AUTS2: variants seen among roughly 807,000 people sequenced by gnomAD.
The protein encoded by AUTS2 is activator of transcription and developmental regulator AUTS2.
In AUTS2, 17 loss-of-function variants were observed where a neutral mutation model predicts 112.4. The observed-to-expected ratio is 0.15, with a 90% confidence interval of 0.10 to 0.23. The LOEUF is 0.23. Ranked by LOEUF, AUTS2 falls within the 10% of genes least tolerant of loss-of-function variation. The pLI, the probability that AUTS2 is intolerant of heterozygous loss-of-function variation, is 1.00. For synonymous variants in AUTS2, 751 were observed against 702.7 expected (o/e 1.07, Z -1.09); for missense variants, 1,510 against 1,701.6 (o/e 0.89, Z 1.98).
Position 70,766,440 on chromosome 7 carries a change from G to C in AUTS2, c.1689+106G>C. Reference sequence around the variant, plus strand: ...GCGGGGCCACCAGAGATCGAATGGGGACTGACGGCTGTTGGCTGGAGAGAA... The same window carrying C: ...GCGGGGCCACCAGAGATCGAATGGGCACTGACGGCTGTTGGCTGGAGAGAA... On this transcript the variant is annotated intron_variant, in intron 9 of 18. Transcript: ENST00000342771. This position sits in a 1 kb window ranked among gnomAD's most constrained non-coding sequence, Gnocchi z 4.8. 7.2e-7 allele frequency: 1 copy of C among 1,390,804 alleles called. No individual in the cohort carries two copies. The highest frequency in any genetic ancestry group is 9.9e-7 in the Non-Finnish European group (1 of 1,006,890). 86.2% of individuals were successfully genotyped at this position (1,390,804 alleles called of 1,614,324 possible).
chr7:70,224,473 T>C (rs963424968), intron 4 of AUTS2, among the ~76,000 whole-genome samples: 1 of 152,194 alleles, frequency 6.6e-6, no homozygotes, highest in Non-Finnish European at 1.5e-5. Flanking sequence ...AAAGTATTTT[T>C]ATACAGCTGT....
At chr7:70,724,134 C>T (rs1331936500) in intron 6 of AUTS2, among the ~76,000 whole-genome samples, 1 of 152,134 alleles carries the variant, frequency 6.6e-6, no homozygotes. Context: ...TCAGGTGATC[C>T]GCCTGCCTCG....
intron 4 of AUTS2, among the ~76,000 whole-genome samples, chr7:70,309,254 T>C (rs374711526): frequency 1.3e-5 from 2 of 152,220 alleles, no homozygotes; most frequent in African/African-American, 4.8e-5. Flanking sequence ...GAAAAACTCT[T>C]TCTCAGACTT....
intron 2 of AUTS2, among the ~76,000 whole-genome samples, chr7:69,988,917 A>G (rs970296645): frequency 6.6e-6 from 1 of 152,182 alleles, no homozygotes; most frequent in African/African-American, 2.4e-5. Context: ...GGGGGCAGGG[A>G]GGACGGGTGG....
chr7:70,310,216 T>C (rs1468742757), intron 4 of AUTS2, among the ~76,000 whole-genome samples: 1 of 150,744 alleles, frequency 6.6e-6, no homozygotes, highest in Non-Finnish European at 1.5e-5. Flanking sequence ...ACTGTGACAG[T>C]GATTGGAGGC....
chr7:70,302,906 C>CTT (rs61466921), intron 4 of AUTS2, among the ~76,000 whole-genome samples: 1,856 of 127,846 alleles, frequency 0.015, 58 homozygotes, highest in African/African-American at 0.051. Flanking sequence ...GAAAGATCTT[C>CTT]TTTTTTTTTT....
At chr7:70,461,745 G>C (rs991381049) in intron 5 of AUTS2, among the ~76,000 whole-genome samples, 2 of 152,090 alleles carry the variant, frequency 1.3e-5, no homozygotes, top group African/African-American at 2.4e-5. Context: ...GGGTGTGGTA[G>C]GATAGAACCA....
At chr7:70,394,356 A>C (rs1051864516) in intron 4 of AUTS2, among the ~76,000 whole-genome samples, 11 of 152,212 alleles carry the variant, frequency 7.2e-5, no homozygotes, top group Non-Finnish European at 1.0e-4. Context: ...CAGGTTATGC[A>C]CCATAGTGGA....
chr7:69,856,520 A>G (rs906708450), intron 1 of AUTS2, among the ~76,000 whole-genome samples: 4 of 152,154 alleles, frequency 2.6e-5, no homozygotes, highest in African/African-American at 7.2e-5. Context: ...TATAAACAGG[A>G]GATCTTTTAG....
At chr7:69,973,857 T>G (rs1797953548) in intron 2 of AUTS2, among the ~76,000 whole-genome samples, 1 of 152,156 alleles carries the variant, frequency 6.6e-6, no homozygotes, top group South Asian at 2.1e-4. Context: ...TAAGGACTTT[T>G]GCATCTGTAC....
intron 5 of AUTS2, among the ~76,000 whole-genome samples, chr7:70,537,907 C>T (rs1342060243): frequency 3.9e-5 from 6 of 152,124 alleles, no homozygotes; most frequent in African/African-American, 1.2e-4. Flanking sequence ...TGCACGGAGG[C>T]CTGCAAGAAC....
intron 1 of AUTS2, among the ~76,000 whole-genome samples, chr7:69,760,197 CTTTTTTTTTT>C (rs375758180): frequency 1.7e-5 from 2 of 121,068 alleles, no homozygotes; most frequent in African/African-American, 6.0e-5. Context: ...TTCTTTTTTT[CTTTTTTTTTT>C]TTTTTTTAAA....
intron 5 of AUTS2, among the ~76,000 whole-genome samples, chr7:70,556,327 A>G (rs1422169784): frequency 6.6e-6 from 1 of 152,152 alleles, no homozygotes; most frequent in Admixed American, 6.5e-5. Context: ...TGGCAATTAC[A>G]TTTTTAACCT....
chr7:70,468,527 G>A (rs1797254619), intron 5 of AUTS2, among the ~76,000 whole-genome samples: 1 of 152,162 alleles, frequency 6.6e-6, no homozygotes, highest in Non-Finnish European at 1.5e-5. Flanking sequence ...GAGAGATCTT[G>A]TAAATGAAAT....
At chr7:69,844,450 T>C (rs568421786) in intron 1 of AUTS2, among the ~76,000 whole-genome samples, 43 of 152,280 alleles carry the variant, frequency 2.8e-4, no homozygotes, top group African/African-American at 1.0e-3. Flanking sequence ...TTGGCAGAGA[T>C]GGGTGCAGCA....
intron 4 of AUTS2, among the ~76,000 whole-genome samples, chr7:70,236,884 G>T (rs1447284604): frequency 6.6e-6 from 1 of 152,148 alleles, no homozygotes; most frequent in Non-Finnish European, 1.5e-5. Flanking sequence ...CATGGGAGAG[G>T]GGGCCTCTAG....
chr7:70,366,395 A>G (rs1792571804), intron 4 of AUTS2, among the ~76,000 whole-genome samples: 1 of 152,182 alleles, frequency 6.6e-6, no homozygotes, highest in East Asian at 1.9e-4. Context: ...GGATGAGTAA[A>G]GCTCCCCAGA....
At chr7:70,159,269 C>T (rs1392077862) in intron 4 of AUTS2, among the ~76,000 whole-genome samples, 2 of 152,206 alleles carry the variant, frequency 1.3e-5, no homozygotes, top group Non-Finnish European at 2.9e-5. Flanking sequence ...TTATTATCCT[C>T]TCTGCTAGCT....
At chr7:70,031,538 A>G (rs1218250127) in intron 2 of AUTS2, among the ~76,000 whole-genome samples, 2 of 152,176 alleles carry the variant, frequency 1.3e-5, no homozygotes, top group Admixed American at 6.6e-5. Context: ...TGCTTTATAA[A>G]AAGAATTAGA....
Sources: gnomAD v4.1 joint callset for allele counts (sites outside exome capture counted in the v4.1 genomes callset) on GRCh38, gnomAD v4.1.1 for gene constraint, Gnocchi (gnomAD v3.1) non-coding constraint, MANE v1.5 for transcripts, NCBI Gene and HGNC (gene_info 2026-07-23, HGNC 2026-07-21) for gene names.